TMEM209: variants seen among roughly 807,000 people sequenced by gnomAD.
TMEM209 encodes testicular tissue protein Li 202.
In TMEM209, 65 loss-of-function variants were observed where a neutral mutation model predicts 76.2. That is an observed-to-expected ratio of 0.85 (90% CI 0.70 to 1.05). The LOEUF (loss-of-function observed/expected upper bound fraction) is 1.05. TMEM209 is among the 50% of genes least tolerant of loss of function. TMEM209 has a pLI of 0.00. For missense variants in TMEM209, 623 were observed against 685.5 expected (o/e 0.91, Z 1.02); for synonymous variants, 239 against 237.6 (o/e 1.01, Z -0.06).
At chr7:130,170,308 C>T in intron 14 of TMEM209, 92 bp downstream of exon 14, 3 of 1,068,500 alleles carry the variant, frequency 2.8e-6, no homozygotes, top group Non-Finnish European at 4.2e-6. Flanking sequence ...ATCCATAAAC[C>T]TTCAGTTACA....
chr7:130,185,311 A>G lies in TMEM209; in HGVS notation c.832T>C (p.Ser278Pro). ...AAAGTTTGTGCATAATCCCCCATAGAACGACTATAGTTCCAGAAAGTAGGA... is the reference window on the plus strand; with the variant it reads ...AAAGTTTGTGCATAATCCCCCATAGGACGACTATAGTTCCAGAAAGTAGGA... ...SSPTFWNYSR[S>P]MGDYAQTLKK... The change falls in exon 7 of 15, where the codon TCT becomes CCT. Residue 278 changes from serine (S) to proline (P), a missense_variant. Ser to Pro is a moderately conservative substitution (Grantham distance 74). Coordinates refer to ENST00000397622, the MANE Select transcript of TMEM209 (RefSeq NM_032842.4). The G allele has an allele frequency of 1.2e-6, 2 of 1,613,982 alleles. No homozygotes were observed. Among genetic ancestry groups the G allele is most frequent in the Non-Finnish European group, 1.7e-6 (2 of 1,179,868 alleles).
In TMEM209 at chr7:130,202,972, T is replaced by G. The variant is rs903883903; in HGVS notation, c.200-309A>C. Among the ~76,000 whole-genome samples the G allele has an allele frequency of 8.6e-5, 13 of 151,730 alleles. 1 individual carries two copies. Among genetic ancestry groups the G allele is most frequent in the African/African-American group, 2.9e-4 (12 of 41,356 alleles). ...GGTGTGGTGACGCACACCTGTAGTC[T>G]CAGCTACTTGGGAGGCTGAGGCAGG... On this transcript the variant is annotated intron_variant, in intron 3 of 14. Transcript: ENST00000397622.
At chr7:130,178,569 T>G in intron 9 of TMEM209, 42 bp from the exon 10 acceptor site, 1 of 1,606,644 alleles carries the variant, frequency 6.2e-7, no homozygotes, top group Non-Finnish European at 8.5e-7. Context: ...ATTCTAAAAG[T>G]GAGTTTCCAA....
At chr7:130,202,392 G>T in intron 4 of TMEM209, 140 bp downstream of exon 4, 2 of 1,216,138 alleles carry the variant, frequency 1.6e-6, no homozygotes, top group Non-Finnish European at 2.3e-6. Flanking sequence ...ATAATCATTG[G>T]TCATAAGACA....
In TMEM209 at chr7:130,186,590, G is replaced by A. The variant is rs554775101; in HGVS notation, c.776-1223C>T. On this transcript the variant is annotated intron_variant, in intron 6 of 14. Coordinates refer to ENST00000397622, the MANE Select transcript of TMEM209 (RefSeq NM_032842.4). Reference sequence around the variant, plus strand: ...GTTATCCTATTTGATTAATCATTGCGATTATTAACTTTAAGAAACGTAAGT... The same window carrying A: ...GTTATCCTATTTGATTAATCATTGCAATTATTAACTTTAAGAAACGTAAGT... 4.3e-4 allele frequency among the ~76,000 whole-genome samples: 66 copies of A among 152,262 alleles called. 1 individual carries two copies. Among genetic ancestry groups the A allele is most frequent in the African/African-American group, 1.4e-3 (60 of 41,540 alleles).
At chr7:130,173,785 T>C in intron 12 of TMEM209, 40 bp downstream of exon 12, 1 of 1,605,764 alleles carries the variant, frequency 6.2e-7, no homozygotes, top group Non-Finnish European at 8.5e-7. Flanking sequence ...AGATATTTTG[T>C]GTGAAAATCT....
At chr7:130,205,003 G>C (rs1798388147) in intron 1 of TMEM209, 1 of 1,178,628 alleles carries the variant, frequency 8.5e-7, no homozygotes, top group Non-Finnish European at 1.1e-6. Context: ...GAGGGAGAGA[G>C]GGGAAAACGT....
rs770911683 is a variant in TMEM209 at position 130,192,671 on chromosome 7, C to T, written c.726G>A (p.Leu242=). 5.6e-6 allele frequency: 9 copies of T among 1,613,494 alleles called. No homozygotes were observed. In the East Asian group the frequency reaches 2.0e-4, roughly 36 times the overall value. The change falls in exon 6 of 15, where the codon TTG becomes TTA. Residue 242 remains leucine, a synonymous_variant. Coordinates refer to ENST00000397622, the MANE Select transcript of TMEM209 (RefSeq NM_032842.4). Reference sequence around the variant, plus strand: ...CCTCTTCACTTCTGAGAAAAGTATCCAAAGTTCGTAGGTCGGTCATGTAGT... The same window carrying T: ...CCTCTTCACTTCTGAGAAAAGTATCTAAAGTTCGTAGGTCGGTCATGTAGT... ...KEDYMTDLRT[L]DTFLRSEEEK... is the part of the protein sequence containing the mutation.
chr7:130,177,710 A>C (rs1002640733), intron 10 of TMEM209, among the ~76,000 whole-genome samples: 1 of 152,194 alleles, frequency 6.6e-6, no homozygotes, highest in African/African-American at 2.4e-5. Flanking sequence ...TGATGTGTAC[A>C]AGAGGAGTGT....
In TMEM209 at chr7:130,204,039, A is replaced by G; in HGVS notation, c.75T>C (p.Ala25=). The change falls in exon 2 of 15, where the codon GCT becomes GCC. Residue 25 remains alanine (A), a synonymous_variant. Transcript: ENST00000397622. ...RTIKMRKETE[A]RKVVLAWGLL... ...GTCCCCAGGCTAAGACCACTTTCCT[A>G]GCCTCTGTTTCTTTTCTCATCTTGA... 1 of 1,613,568 alleles carries G rather than the reference A, an allele frequency of 6.2e-7. No homozygotes were observed. Among genetic ancestry groups the G allele is most frequent in the Non-Finnish European group, 8.5e-7 (1 of 1,179,708 alleles).
rs759104004 is a variant in TMEM209 at position 130,202,037 on chromosome 7, G to A, written c.386C>T (p.Pro129Leu). The change falls in exon 5 of 15, where the codon CCA becomes CTA. Residue 129 changes from proline (P) to leucine (L), a missense_variant. By Grantham distance (98) the Pro-to-Leu change is moderately conservative. Coordinates refer to ENST00000397622, the MANE Select transcript of TMEM209 (RefSeq NM_032842.4). Reference protein sequence around the residue: ...DLAATQIPPAPPSPSIQGQSV... With the variant: ...DLAATQIPPALPSPSIQGQSV... ...CTGACCCTGAATTGAAGGGGAAGGT[G>A]GAGCGGGAGGGATTTGGGTTGCTGC... is the stretch of plus-strand genomic sequence containing the variant. 1 of 1,613,960 alleles carries A rather than the reference G, an allele frequency of 6.2e-7. No individual in the cohort carries two copies. The highest frequency in any genetic ancestry group is 1.1e-5 in the South Asian group (1 of 91,068).
intron 7 of TMEM209, 125 bp from the exon 8 acceptor site, chr7:130,184,380 T>G (rs1797522983): frequency 4.8e-6 from 3 of 624,762 alleles, no homozygotes; most frequent in Non-Finnish European, 8.1e-6. Context: ...AACATCAATA[T>G]TCATCTAATT....
chr7:130,184,897 T>A (rs556957133), intron 7 of TMEM209, among the ~76,000 whole-genome samples: 1 of 152,374 alleles, frequency 6.6e-6, no homozygotes, highest in East Asian at 1.9e-4. Context: ...GCAAGACTTC[T>A]GTATGTGTTA....
At chr7:130,181,285 T>C (rs534292028) in intron 9 of TMEM209, among the ~76,000 whole-genome samples, 2 of 152,328 alleles carry the variant, frequency 1.3e-5, no homozygotes, top group South Asian at 4.1e-4. Flanking sequence ...GAAAATAGAC[T>C]GGCACTTGCA....
Position 130,201,884 on chromosome 7 carries a change from C to A in TMEM209, c.539G>T (p.Gly180Val). ...ACCACTGACGGGCGAGTAGGTCACT[C>A]CAGGGCTATAAGAACCACTGCCACC... ...SSGGSGSYSP[G>V]VTYSPVSGYN... Residue 180 changes from glycine to valine, a missense_variant, in exon 5 of 15, where the codon GGA becomes GTA. Physicochemically the swap from Gly to Val is moderately radical, Grantham distance 109. Transcript: ENST00000397622. 1 of 1,613,892 alleles carries A rather than the reference C, an allele frequency of 6.2e-7. No individual in the cohort carries two copies. The highest frequency in any genetic ancestry group is 8.5e-7 in the Non-Finnish European group (1 of 1,179,878).
chr7:130,198,273 C>T (rs1327163220), intron 5 of TMEM209, among the ~76,000 whole-genome samples: 2 of 152,088 alleles, frequency 1.3e-5, no homozygotes, highest in Non-Finnish European at 2.9e-5. Flanking sequence ...GTTGTACTCT[C>T]CTAACTTTGA....
rs1273689960 is a variant in TMEM209 at position 130,165,190 on chromosome 7, C to G, written c.*1261G>C. 6.6e-6 allele frequency: 1 copy of G among 152,162 alleles called. No individual in the cohort carries two copies. Among genetic ancestry groups the G allele is most frequent in the Non-Finnish European group, 1.5e-5 (1 of 68,020 alleles). The allele number at this position is 152,162 out of a possible 1,614,324, so 9.4% of individuals were successfully genotyped here. A position where few individuals can be genotyped will look rare whatever the true frequency, so the allele number is the denominator to read the frequency against. On this transcript the variant is annotated 3_prime_UTR_variant, in exon 15 of 15. Coordinates refer to ENST00000397622, the MANE Select transcript of TMEM209 (RefSeq NM_032842.4). ...ACGGGATGCACATCTAACACTGATA[C>G]ACGGTTCTTCAGAAAAGACTAGTTT...
chr7:130,186,988 A>G (rs1295145230), intron 6 of TMEM209, among the ~76,000 whole-genome samples: 1 of 152,218 alleles, frequency 6.6e-6, no homozygotes, highest in Non-Finnish European at 1.5e-5. Flanking sequence ...CACGCCTGTA[A>G]TCCCAGCACT....
In TMEM209 at chr7:130,201,923, T is replaced by G; in HGVS notation, c.500A>C (p.Gln167Pro). ...SCMTGYSPQLQGLSSGGSGSY... is the reference protein window; with the variant it reads ...SCMTGYSPQLPGLSSGGSGSY... ...ACCACTGCCACCTGAGGACAGACCT[T>G]GCAGCTGAGGGCTGTAACCAGTCAT... Residue 167 changes from glutamine to proline, a missense_variant, in exon 5 of 15, where the codon CAA becomes CCA. Gln to Pro is a moderately conservative substitution (Grantham distance 76). Transcript: ENST00000397622. The G allele has an allele frequency of 1.9e-6, 3 of 1,613,890 alleles. No individual in the cohort carries two copies.
Sources: allele counts gnomAD v4.1 joint callset (sites outside exome capture counted in the v4.1 genomes callset), GRCh38; gene constraint gnomAD v4.1.1; transcripts MANE v1.5; gene names NCBI Gene and HGNC (gene_info 2026-07-23, HGNC 2026-07-21).